UTP6: variants seen among roughly 807,000 people sequenced by gnomAD.
UTP6 encodes UTP6 small subunit processome component, also known as U3 small nucleolar RNA-associated protein 6 homolog.
Under a neutral mutation model 96.5 loss-of-function variants are expected in UTP6, and 60 were observed. The observed-to-expected ratio is 0.62, with a 90% CI of 0.51 to 0.77. The LOEUF is 0.77. Among genes scored for constraint, UTP6 ranks in the 30% least tolerant of loss-of-function variants. The pLI, the probability that UTP6 is intolerant of heterozygous loss-of-function variation, is 0.00. For synonymous variants in UTP6, 215 were observed against 240.1 expected (o/e 0.90, Z 0.96); for missense variants, 637 against 706.5 (o/e 0.90, Z 1.12).
intron 6 of UTP6, chr17:31,892,020 C>G: frequency 2.1e-6 from 1 of 483,720 alleles, no homozygotes; most frequent in South Asian, 2.5e-5. Flanking sequence ...GAGACTCCGT[C>G]TCAAAAAAAA....
intron 13 of UTP6, 129 bp downstream of exon 13, chr17:31,878,121 C>T: frequency 1.2e-6 from 1 of 815,130 alleles, no homozygotes; most frequent in Non-Finnish European, 2.0e-6. Flanking sequence ...CATATAAACA[C>T]ACTTCACATA....
At chr17:31,870,096 T>C (rs577765461) in intron 16 of UTP6, among the ~76,000 whole-genome samples, 41 of 152,340 alleles carry the variant, frequency 2.7e-4, no homozygotes, top group African/African-American at 9.9e-4. Context: ...CCTAGGTTGA[T>C]TCCATGTCCT....
intron 10 of UTP6, 141 bp from the exon 11 acceptor site, chr17:31,880,895 C>T (rs745644648): frequency 1.3e-4 from 160 of 1,197,696 alleles, no homozygotes; most frequent in East Asian, 3.9e-4. Flanking sequence ...TTTCCCAGGC[C>T]GGGCCCGGTG....
At chr17:31,880,423 A>G (rs1910754297) in intron 11 of UTP6, 150 bp downstream of exon 11, 3 of 958,780 alleles carry the variant, frequency 3.1e-6, no homozygotes, top group Non-Finnish European at 3.0e-6. Context: ...TCTGCCTCCC[A>G]ATAAAAAAAA....
chr17:31,880,825 C>A (rs1910788871), intron 10 of UTP6, 71 bp from the exon 11 acceptor site: 1 of 1,589,540 alleles, frequency 6.3e-7, no homozygotes, highest in Non-Finnish European at 8.6e-7. Context: ...GAAACAGTTA[C>A]CTGTGCTTAA....
intron 2 of UTP6, among the ~76,000 whole-genome samples, chr17:31,898,814 G>C (rs575093895): frequency 1.3e-5 from 2 of 152,316 alleles, no homozygotes; most frequent in South Asian, 4.1e-4. Flanking sequence ...GCCGATGCTG[G>C]TGGATTGCTT....
At chr17:31,863,999 T>A (rs1348630149) in intron 18 of UTP6, among the ~76,000 whole-genome samples, 1 of 152,184 alleles carries the variant, frequency 6.6e-6, no homozygotes, top group Non-Finnish European at 1.5e-5. Flanking sequence ...CTGTGCCTCA[T>A]CAGTTTTGTT....
intron 14 of UTP6, among the ~76,000 whole-genome samples, chr17:31,874,669 C>T (rs1231589263): frequency 6.6e-6 from 1 of 152,070 alleles, no homozygotes; most frequent in African/African-American, 2.4e-5. Context: ...CCGTGGCTCA[C>T]GCCTGTAATC....
Position 31,892,328 on chromosome 17 carries a change from A to G in UTP6, c.361-5T>C. On this transcript the variant is annotated splice_polypyrimidine_tract_variant and splice_region_variant and intron_variant, in intron 5 of 18. Coordinates refer to ENST00000261708, the MANE Select transcript of UTP6 (RefSeq NM_018428.3). ...GCTAAGTCGAGTTTTAGTAGCCTGT[A>G]AAAAAGGAAAATATTTCTACTTCCT... 1.9e-6 allele frequency: 3 copies of G among 1,613,384 alleles called. No homozygotes were observed. The highest frequency in any genetic ancestry group is 1.7e-6 in the Non-Finnish European group (2 of 1,179,466).
intron 3 of UTP6, 46 bp downstream of exon 3, chr17:31,894,924 C>T: frequency 1.3e-6 from 2 of 1,492,152 alleles, no homozygotes; most frequent in Non-Finnish European, 9.3e-7. Flanking sequence ...AGCCATACTG[C>T]TTAGTTCTGT....
At position 31,894,722 on chromosome 17, in the gene UTP6, A is replaced by G. The variant is rs1278749239; in HGVS notation, c.235T>C (p.Phe79Leu). ...QRRRTRIGYS[F>L]KKDEIENSIV... ...GAATTCTCAATCTCATCCTTCTTAA[A>G]TGAATATCCAATGCGCTAAAGGGGG... is the stretch of plus-strand genomic sequence containing the variant. Residue 79 changes from phenylalanine (F) to leucine (L), a missense_variant, in exon 4 of 19, where the codon TTT becomes CTT. Transcript: ENST00000261708. 2 of 1,610,444 alleles carry G rather than the reference A, an allele frequency of 1.2e-6. No homozygotes were observed.
intron 6 of UTP6, 163 bp downstream of exon 6, chr17:31,892,097 G>A: frequency 1.5e-6 from 1 of 652,698 alleles, no homozygotes; most frequent in Non-Finnish European, 2.7e-6. Context: ...TAGTAGGCAG[G>A]GGTGAACTAT....
chr17:31,881,161 ACT>A (rs1198514882), intron 10 of UTP6, among the ~76,000 whole-genome samples: 1 of 148,900 alleles, frequency 6.7e-6, no homozygotes, highest in African/African-American at 2.5e-5. Flanking sequence ...ACAGAGCGAG[ACT>A]CTGTCTCAAA....
intron 10 of UTP6, 86 bp from the exon 11 acceptor site, chr17:31,880,840 T>G: frequency 6.4e-7 from 1 of 1,556,406 alleles, no homozygotes; most frequent in Non-Finnish European, 8.8e-7. Context: ...GCTTAAAAAA[T>G]CTACACAGGA....
intron 2 of UTP6, among the ~76,000 whole-genome samples, chr17:31,897,266 G>GT (rs1189279943): frequency 6.6e-6 from 1 of 151,792 alleles, no homozygotes; most frequent in South Asian, 2.1e-4. Context: ...CTGGGCAAGA[G>GT]TGAGTGTATT....
In UTP6 at chr17:31,873,414, C is replaced by G; in HGVS notation, c.1460G>C (p.Ser487Thr). 6.2e-7 allele frequency: 1 copy of G among 1,614,228 alleles called. No homozygotes were observed. Among genetic ancestry groups the G allele is most frequent in the Non-Finnish European group, 8.5e-7 (1 of 1,180,052 alleles). The change falls in exon 16 of 19, where the codon AGT becomes ACT. Residue 487 changes from serine (S) to threonine (T), a missense_variant. Transcript: ENST00000261708. ...KNKYLDWAYRSGGYKKARAVF... is the reference protein window; with the variant it reads ...KNKYLDWAYRTGGYKKARAVF... ...AGCTCTGGCCTTTTTGTAGCCACCA[C>G]TTCGATAAGCCCAATCCAGGTACTT...
chr17:31,868,214 A>C, intron 16 of UTP6, 102 bp from the exon 17 acceptor site: 1 of 1,031,800 alleles, frequency 9.7e-7, no homozygotes, highest in Non-Finnish European at 1.4e-6. Flanking sequence ...CACATGGTTT[A>C]ATAAAGACTT....
At chr17:31,886,587 C>T (rs898067109) in intron 8 of UTP6, 1 of 153,484 alleles carries the variant, frequency 6.5e-6, no homozygotes, top group Non-Finnish European at 1.4e-5. Context: ...TCACTTGAAC[C>T]CGGGAGGCGG....
intron 5 of UTP6, 104 bp from the exon 6 acceptor site, chr17:31,892,427 G>A (rs892864039): frequency 2.6e-6 from 3 of 1,167,208 alleles, no homozygotes; most frequent in East Asian, 2.5e-5. Context: ...ATCCAATGGA[G>A]CATGACATGC....
Sources: allele counts gnomAD v4.1 joint callset (sites outside exome capture counted in the v4.1 genomes callset), GRCh38; gene constraint gnomAD v4.1.1; transcripts MANE v1.5; gene names NCBI Gene and HGNC (gene_info 2026-07-23, HGNC 2026-07-21).